The following SLC22A25 variants were observed in gnomAD, a reference collection of about 807,000 sequenced individuals.
SLC22A25 encodes solute carrier family 22 member 25.
A neutral mutation model predicts 45.9 loss-of-function variants in SLC22A25; 44 were observed. That is an observed-to-expected ratio of 0.96 (90% CI 0.75 to 1.23). The LOEUF (loss-of-function observed/expected upper bound fraction) is 1.23. Ranked by LOEUF, SLC22A25 falls within the 50% of genes most tolerant of loss-of-function variation. The probability of loss-of-function intolerance (pLI) is 0.00; values close to 1 mark genes in which losing one functional copy is unlikely to be tolerated. For synonymous variants in SLC22A25, 283 were observed against 238.6 expected (o/e 1.19, Z -1.72); for missense variants, 800 against 666.4 (o/e 1.20, Z -2.21).
intron 7 of SLC22A25, among the ~76,000 whole-genome samples, chr11:63,205,029 A>G (rs186758072): frequency 1.3e-5 from 2 of 152,330 alleles, no homozygotes; most frequent in African/African-American, 2.4e-5. Context: ...ACACAACTAC[A>G]TGGACACTGA....
At chr11:63,241,876 A>G (rs17157993) in intron 1 of SLC22A25, among the ~76,000 whole-genome samples, 3,294 of 152,284 alleles carry the variant, frequency 0.022, 121 homozygotes, top group African/African-American at 0.075. Context: ...TTTGTTAAGT[A>G]CTGACAATAA....
In SLC22A25 at chr11:63,163,939, A is replaced by C. The variant is rs1365263685; in HGVS notation, c.1529T>G (p.Leu510Arg). 2.6e-5 allele frequency: 42 copies of C among 1,613,824 alleles called. No individual in the cohort carries two copies. The highest frequency in any genetic ancestry group is 3.6e-5 in the Non-Finnish European group (42 of 1,179,918). The change falls in exon 12 of 12, where the codon CTT (leucine) becomes CGT (arginine). Residue 510 changes from leucine to arginine, a missense_variant. Transcript: ENST00000306494. Reference protein sequence around the residue: ...IYGVFAILSGLVVLLLPETRN... With the variant: ...IYGVFAILSGRVVLLLPETRN... ...GGTTTCAGGAAGGAGGAGGACAACA[A>C]GGCCAGAGAGGATGGCAAAGACTCC...
intron 5 of SLC22A25, among the ~76,000 whole-genome samples, chr11:63,220,804 C>T (rs190956459): frequency 6.6e-6 from 1 of 152,264 alleles, no homozygotes; most frequent in Admixed American, 6.5e-5. Flanking sequence ...TGGTAATTAT[C>T]ATTTTACTCT....
At chr11:63,209,607 T>G (rs189101148) in intron 7 of SLC22A25, among the ~76,000 whole-genome samples, 2 of 152,270 alleles carry the variant, frequency 1.3e-5, no homozygotes, top group Admixed American at 1.3e-4. Context: ...GATGCCACTT[T>G]GAGAGACCAG....
intron 1 of SLC22A25, among the ~76,000 whole-genome samples, chr11:63,241,460 T>A (rs1304668434): frequency 6.6e-6 from 1 of 152,144 alleles, no homozygotes; most frequent in Non-Finnish European, 1.5e-5. Flanking sequence ...TGCATCCCCA[T>A]GCCTCTTTCC....
chr11:63,163,785 G>T lies in SLC22A25; in HGVS notation c.*39C>A. The T allele has an allele frequency of 6.4e-7, 1 of 1,568,528 alleles. No individual in the cohort carries two copies. The highest frequency in any genetic ancestry group is 1.2e-5 in the South Asian group (1 of 82,634). On this transcript the variant is annotated 3_prime_UTR_variant, in exon 12 of 12. Coordinates refer to ENST00000306494, the MANE Select transcript of SLC22A25 (RefSeq NM_199352.6). The stretch of plus-strand genomic sequence containing the variant: ...CCAGATCTAAGCCTTTTTGGGGGAT[G>T]GTAGCCCTAAATGGTGTTTTGCTTT...
intron 7 of SLC22A25, among the ~76,000 whole-genome samples, chr11:63,190,616 G>A (rs1253226337): frequency 6.6e-6 from 1 of 152,014 alleles, no homozygotes; most frequent in Non-Finnish European, 1.5e-5. Flanking sequence ...GAGGAGGAGA[G>A]GCACTCTGAT....
At chr11:63,197,777 G>A (rs2089098956) in intron 7 of SLC22A25, among the ~76,000 whole-genome samples, 1 of 152,204 alleles carries the variant, frequency 6.6e-6, no homozygotes, top group African/African-American at 2.4e-5. Flanking sequence ...TACCATCAGA[G>A]TGATCAGGCA....
chr11:63,189,913 A>T (rs1218412133), intron 7 of SLC22A25, among the ~76,000 whole-genome samples: 2 of 152,238 alleles, frequency 1.3e-5, no homozygotes, highest in African/African-American at 2.4e-5. Context: ...CCGACAGATC[A>T]GCTGTTAGTC....
intron 9 of SLC22A25, among the ~76,000 whole-genome samples, chr11:63,178,357 T>C (rs1565071597): frequency 2.6e-5 from 4 of 152,180 alleles, no homozygotes; most frequent in African/African-American, 7.2e-5. Context: ...CTGGATAATA[T>C]GGTATTTCCA....
intron 7 of SLC22A25, among the ~76,000 whole-genome samples, chr11:63,193,581 G>A (rs1294599130): frequency 6.6e-6 from 1 of 152,210 alleles, no homozygotes; most frequent in Non-Finnish European, 1.5e-5. Context: ...CTGATTGTTG[G>A]AAGGAAAACT....
intron 9 of SLC22A25, chr11:63,166,977 C>A: frequency 3.9e-6 from 2 of 513,558 alleles, no homozygotes; most frequent in Non-Finnish European, 5.0e-6. Context: ...ACTGAGGTAC[C>A]CGGTTCATCT....
intron 9 of SLC22A25, chr11:63,168,066 G>A (rs2087747377): frequency 1.5e-5 from 3 of 206,314 alleles, no homozygotes; most frequent in Non-Finnish European, 3.1e-5. Context: ...CAGACCTGCA[G>A]AAGAGGGACC....
At chr11:63,166,596 G>A in intron 9 of SLC22A25, 2 of 1,034,108 alleles carry the variant, frequency 1.9e-6, no homozygotes, top group Non-Finnish European at 2.3e-6. Context: ...TCACAGTAAT[G>A]AAAATATACA....
intron 1 of SLC22A25, among the ~76,000 whole-genome samples, chr11:63,239,365 A>G (rs764961179): frequency 1.3e-5 from 2 of 152,222 alleles, no homozygotes; most frequent in South Asian, 2.1e-4. Context: ...ACAGTTGTCA[A>G]TGAAATCTGT....
chr11:63,212,815 A>C (rs1426002738), intron 7 of SLC22A25, among the ~76,000 whole-genome samples: 2 of 151,740 alleles, frequency 1.3e-5, no homozygotes, highest in African/African-American at 4.8e-5. Flanking sequence ...AAAAAAAAAA[A>C]AATTCTACCA....
chr11:63,220,918 T>A (rs1386297299), intron 5 of SLC22A25, among the ~76,000 whole-genome samples: 1 of 152,216 alleles, frequency 6.6e-6, no homozygotes, highest in Non-Finnish European at 1.5e-5. Context: ...AACATAATGA[T>A]CTACAGTTTC....
chr11:63,225,690 C>G (rs1044028469), intron 5 of SLC22A25, among the ~76,000 whole-genome samples: 3 of 152,116 alleles, frequency 2.0e-5, no homozygotes, highest in Non-Finnish European at 2.9e-5. Flanking sequence ...TTGTGAAGTT[C>G]TCTCTTAATA....
At chr11:63,166,916 T>C in intron 9 of SLC22A25, 1 of 946,810 alleles carries the variant, frequency 1.1e-6, no homozygotes, top group Non-Finnish European at 1.3e-6. Flanking sequence ...AGCTCTGGTC[T>C]GCAGCTCCCA....
Sources: gnomAD v4.1 joint callset for allele counts (sites outside exome capture counted in the v4.1 genomes callset) on GRCh38, gnomAD v4.1.1 for gene constraint, MANE v1.5 for transcripts, NCBI Gene and HGNC (gene_info 2026-07-23, HGNC 2026-07-21) for gene names.